The following PRKCB variants were observed in gnomAD, a reference collection of about 807,000 sequenced individuals.
PRKCB encodes protein kinase C beta, also known as protein kinase C beta type.
Under a neutral mutation model 81.5 loss-of-function variants are expected in PRKCB, and 13 were observed. The ratio of observed to expected loss-of-function variants is 0.16; its 90% CI spans 0.10 to 0.25. The LOEUF is 0.25. Ranked by LOEUF, PRKCB falls within the 10% of genes least tolerant of loss-of-function variation. The probability of loss-of-function intolerance (pLI) is 1.00; values close to 1 mark genes in which losing one functional copy is unlikely to be tolerated. For synonymous variants in PRKCB, 335 were observed against 321.4 expected (o/e 1.04, Z -0.45); for missense variants, 509 against 875.7 (o/e 0.58, Z 5.29).
At chr16:24,161,348 A>G (rs1967254181) in intron 10 of PRKCB, among the ~76,000 whole-genome samples, 1 of 152,230 alleles carries the variant, frequency 6.6e-6, no homozygotes. Flanking sequence ...CCTATTTAAG[A>G]TATTATTTTA....
chr16:23,872,452 T>G (rs1262756962), intron 2 of PRKCB, among the ~76,000 whole-genome samples: 1 of 152,144 alleles, frequency 6.6e-6, no homozygotes. Context: ...GCTCAGGAGT[T>G]GGAAGCTGCA....
chr16:23,915,022 T>C (rs1193353934), intron 2 of PRKCB, among the ~76,000 whole-genome samples: 1 of 152,226 alleles, frequency 6.6e-6, no homozygotes, highest in South Asian at 2.1e-4. Flanking sequence ...CAGCCTTTTC[T>C]GGCTGTGACA....
intron 2 of PRKCB, among the ~76,000 whole-genome samples, chr16:23,920,632 T>C (rs925217627): frequency 1.3e-4 from 19 of 151,910 alleles, no homozygotes; most frequent in African/African-American, 4.6e-4. Flanking sequence ...TGTCAGGCGG[T>C]GTGTGGGAGC....
chr16:24,217,013 A>G lies in PRKCB; in HGVS notation c.*2197A>G. 1.0e-6 allele frequency: 1 copy of G among 985,326 alleles called. No individual in the cohort carries two copies. 61.0% of individuals were successfully genotyped at this position (985,326 alleles called of 1,614,324 possible). A position where few individuals can be genotyped will look rare whatever the true frequency, so the allele number is the denominator to read the frequency against. On this transcript the variant is annotated 3_prime_UTR_variant, in exon 17 of 17. Coordinates refer to ENST00000643927, the MANE Select transcript of PRKCB (RefSeq NM_002738.7). ...TGGACATGCTCTCAGGAAGATAAAA[A>G]CCATGGAGAAACACTAGGCCATTGA... is the stretch of plus-strand genomic sequence containing the variant.
At chr16:24,119,480 A>T (rs1236796055) in intron 8 of PRKCB, among the ~76,000 whole-genome samples, 1 of 152,072 alleles carries the variant, frequency 6.6e-6, no homozygotes, top group African/African-American at 2.4e-5. Flanking sequence ...CCAGGATGGG[A>T]AATGGGAACT....
intron 3 of PRKCB, among the ~76,000 whole-genome samples, chr16:24,030,247 C>G (rs1319925653): frequency 6.6e-6 from 1 of 152,166 alleles, no homozygotes; most frequent in African/African-American, 2.4e-5. Flanking sequence ...TTCTCTTGAA[C>G]TAAAACCAAT....
At chr16:24,009,610 A>T (rs1168198178) in intron 3 of PRKCB, among the ~76,000 whole-genome samples, 1 of 149,788 alleles carries the variant, frequency 6.7e-6, no homozygotes, top group Non-Finnish European at 1.5e-5. Flanking sequence ...TTTAAAAAAG[A>T]CAAGTGTTAG....
rs1385621561 is a variant in PRKCB at position 24,160,813 on chromosome 16, C to A, written c.1239+5956C>A. 2.0e-5 allele frequency among the ~76,000 whole-genome samples: 3 copies of A among 152,142 alleles called. No individual in the cohort carries two copies. The East Asian group carries it at 5.8e-4, about 29-fold the overall frequency. ...CTCTCTGATAAGGATGACATCTGAG[C>A]AGAGACCAGGGCAAGCAAGGGAGCG... On this transcript the variant is annotated intron_variant, in intron 10 of 16. Coordinates refer to ENST00000643927, the MANE Select transcript of PRKCB (RefSeq NM_002738.7).
At chr16:24,155,802 G>A (rs970235962) in intron 10 of PRKCB, among the ~76,000 whole-genome samples, 3 of 152,166 alleles carry the variant, frequency 2.0e-5, no homozygotes, top group East Asian at 3.9e-4. Context: ...ATCCTGGGCT[G>A]TGTGACCTGT....
Position 24,102,052 on chromosome 16 carries a change from C to A in PRKCB, c.821+7755C>A, listed in dbSNP as rs182480962. ...AGCCTAAGCATATACAAATTCCATT[C>A]TGCCTCCTGATACAGGGTTAGGTGG... On this transcript the variant is annotated intron_variant, in intron 7 of 16. Coordinates refer to ENST00000643927, the MANE Select transcript of PRKCB (RefSeq NM_002738.7). Among the ~76,000 whole-genome samples the A allele has an allele frequency of 2.0e-5, 3 of 152,282 alleles. No individual in the cohort carries two copies. The East Asian group carries it at 5.8e-4, about 29-fold the overall frequency.
intron 5 of PRKCB, among the ~76,000 whole-genome samples, chr16:24,038,463 G>A (rs1965652934): frequency 6.6e-6 from 1 of 152,252 alleles, no homozygotes; most frequent in South Asian, 2.1e-4. Context: ...TGCCATCATG[G>A]AAGGGAAAAC....
chr16:24,175,455 T>C (rs1036120930), intron 12 of PRKCB, among the ~76,000 whole-genome samples: 1 of 151,946 alleles, frequency 6.6e-6, no homozygotes, highest in African/African-American at 2.4e-5. Context: ...GTGGAGTTTA[T>C]CTTTCTCATG....
rs149929820 is a variant in PRKCB at position 23,883,084 on chromosome 16, T to G, written c.205+45678T>G. Among the ~76,000 whole-genome samples, 24 of 152,194 alleles carry G rather than the reference T, an allele frequency of 1.6e-4. No individual in the cohort carries two copies. In the East Asian group the frequency reaches 4.6e-3, roughly 29 times the overall value. On this transcript the variant is annotated intron_variant, in intron 2 of 16. Transcript: ENST00000643927. Reference sequence around the variant, plus strand: ...ACTGAACAAGGCTGGGGGCATAGCGTGGCTTACATAGGTCCCCACCCTCCA... The same window carrying G: ...ACTGAACAAGGCTGGGGGCATAGCGGGGCTTACATAGGTCCCCACCCTCCA...
intron 15 of PRKCB, among the ~76,000 whole-genome samples, chr16:24,188,823 C>T (rs1191603703): frequency 6.6e-6 from 1 of 152,204 alleles, no homozygotes; most frequent in Non-Finnish European, 1.5e-5. Context: ...TCTGCACCCA[C>T]ATCCTTTACC....
In PRKCB at chr16:24,214,604, T is replaced by C. The variant is rs1243623232; in HGVS notation, c.1864-54T>C. On this transcript the variant is annotated intron_variant, in intron 16 of 16. Coordinates refer to ENST00000643927, the MANE Select transcript of PRKCB (RefSeq NM_002738.7). ...GCTAGGTTCTGTTTTATTTTGGCTT[T>C]TGTTTTTGTTTTTTTTCCCACCCAC... is the stretch of plus-strand genomic sequence containing the variant. The C allele has an allele frequency of 2.7e-6, 4 of 1,478,918 alleles. No individual in the cohort carries two copies. In the African/African-American group the frequency reaches 4.2e-5, roughly 16 times the overall value. The allele number at this position is 1,478,918 out of a possible 1,614,324, so 91.6% of individuals were successfully genotyped here. A position where few individuals can be genotyped will look rare whatever the true frequency, so the allele number is the denominator to read the frequency against.
At chr16:23,997,445 C>G (rs1596503862) in intron 3 of PRKCB, among the ~76,000 whole-genome samples, 1 of 152,138 alleles carries the variant, frequency 6.6e-6, no homozygotes, top group Admixed American at 6.5e-5. Flanking sequence ...AGCTGAGGTG[C>G]CCACTGAAGG....
intron 8 of PRKCB, among the ~76,000 whole-genome samples, chr16:24,116,292 C>T (rs1966736925): frequency 6.6e-6 from 1 of 152,072 alleles, no homozygotes; most frequent in African/African-American, 2.4e-5. Context: ...CACGGTGGCT[C>T]ATGCCTATAA....
chr16:24,190,863 C>T (rs920268242), intron 15 of PRKCB, among the ~76,000 whole-genome samples: 2 of 152,060 alleles, frequency 1.3e-5, no homozygotes, highest in African/African-American at 2.4e-5. Context: ...ATTCAGGCTT[C>T]GTTTTGATTA....
intron 5 of PRKCB, among the ~76,000 whole-genome samples, chr16:24,036,768 C>A (rs1965627092): frequency 6.6e-6 from 1 of 152,108 alleles, no homozygotes; most frequent in Admixed American, 6.6e-5. Context: ...AGGGGAAATC[C>A]CGCAGTTTCA....
Sources: gnomAD v4.1 joint callset for allele counts (sites outside exome capture counted in the v4.1 genomes callset) on GRCh38, gnomAD v4.1.1 for gene constraint, MANE v1.5 for transcripts, NCBI Gene and HGNC (gene_info 2026-07-23, HGNC 2026-07-21) for gene names.